TEX14: variants seen among roughly 807,000 people sequenced by gnomAD.
TEX14 encodes testis expressed 14, intercellular bridge forming factor.
TEX14 carries 168 observed loss-of-function variants against 178.6 expected under a neutral mutation model. That is an observed-to-expected ratio of 0.94 (90% confidence interval 0.83 to 1.07). The LOEUF (loss-of-function observed/expected upper bound fraction) is 1.07, where lower values mean the gene tolerates loss of function less well. Among genes scored for constraint, TEX14 ranks in the 50% least tolerant of loss-of-function variants. TEX14 has a pLI of 0.00. For synonymous variants in TEX14, 626 were observed against 634.1 expected, an observed-to-expected ratio of 0.99 and a Z score of 0.19; for missense variants, 1,730 against 1,753.6, an observed-to-expected ratio of 0.99 and a Z score of 0.24.
chr17:58,621,549 G>C lies in TEX14; in HGVS notation c.554+101C>G, dbSNP rs1567740549. ...CCCTTTGGATGGGCCAGATGCCAGA[G>C]GGCACTGATGTGGAGGAGCTGAGGC... On this transcript the variant is annotated intron_variant, in intron 5 of 31. Coordinates refer to ENST00000349033, the MANE Select transcript of TEX14 (RefSeq NM_031272.5). 3 of 1,236,638 alleles carry C rather than the reference G, an allele frequency of 2.4e-6. No homozygotes were observed. The South Asian group carries it at 4.6e-5, about 19-fold the overall frequency. 76.6% of individuals were successfully genotyped at this position (1,236,638 alleles called of 1,614,324 possible).
At chr17:58,586,130 A>C in intron 17 of TEX14, 48 bp from the exon 18 acceptor site, 3 of 1,546,324 alleles carry the variant, frequency 1.9e-6, no homozygotes, top group South Asian at 1.2e-5. Context: ...TAAACACTGG[A>C]AACACAGGCT....
rs372990969 is a variant in TEX14, at chr17:58,640,694, CATT to C, written c.137-10143_137-10141del. ...TAATGAGGCATGTAGAGAATTATAA[CATT>C]GTTGAAACAGAGAGACGTGGTGGCT... On this transcript the variant is annotated intron_variant, in intron 2 of 31. Coordinates refer to ENST00000349033, the MANE Select transcript of TEX14 (RefSeq NM_031272.5). 9.2e-4 allele frequency among the ~76,000 whole-genome samples: 138 copies of C among 150,654 alleles called. 1 individual carries two copies. The highest frequency in any genetic ancestry group is 3.3e-3 in the African/African-American group (137 of 41,010).
intron 14 of TEX14, among the ~76,000 whole-genome samples, chr17:58,595,988 G>T (rs1293785838): frequency 6.6e-6 from 1 of 152,126 alleles, no homozygotes; most frequent in Non-Finnish European, 1.5e-5. Context: ...TTTGAGACCA[G>T]CCTGGCCAAT....
At chr17:58,651,646 C>T (rs145541958) in intron 2 of TEX14, among the ~76,000 whole-genome samples, 3 of 152,166 alleles carry the variant, frequency 2.0e-5, no homozygotes, top group Admixed American at 6.6e-5. Flanking sequence ...CAGTTGGATG[C>T]GCTTGTGGTT....
rs368612584 is a variant in TEX14 at position 58,652,016 on chromosome 17, G to A, written c.-1-14C>T. ...GCCCGAGACATCCTGTTCCAAAAGA[G>A]AGCAATATGCTTATTTTAACTGAAC... On this transcript the variant is annotated splice_polypyrimidine_tract_variant and intron_variant, in intron 1 of 31. Coordinates refer to ENST00000349033, the MANE Select transcript of TEX14 (RefSeq NM_031272.5). 5.4e-5 allele frequency: 82 copies of A among 1,520,818 alleles called. No homozygotes were observed. The African/African-American group carries it at 9.7e-4, about 18-fold the overall frequency. 94.2% of individuals were successfully genotyped at this position (1,520,818 alleles called of 1,614,324 possible).
chr17:58,618,310 T>C (rs1409105971), intron 5 of TEX14, among the ~76,000 whole-genome samples: 1 of 152,244 alleles, frequency 6.6e-6, no homozygotes, highest in Non-Finnish European at 1.5e-5. Flanking sequence ...GTCCAGTTTT[T>C]TCATTATATA....
At chr17:58,616,703 C>T (rs924766815) in intron 6 of TEX14, among the ~76,000 whole-genome samples, 2 of 152,132 alleles carry the variant, frequency 1.3e-5, no homozygotes, top group East Asian at 1.9e-4. Context: ...AGATTATAGG[C>T]GTGAGCCACC....
intron 28 of TEX14, among the ~76,000 whole-genome samples, chr17:58,564,621 T>C (rs561107735): frequency 3.9e-5 from 6 of 152,318 alleles, no homozygotes; most frequent in Admixed American, 6.5e-5. Context: ...ATTAAGGTTA[T>C]TGGACTGTGC....
chr17:58,596,411 A>G (rs1228474053), intron 14 of TEX14, among the ~76,000 whole-genome samples: 1 of 152,036 alleles, frequency 6.6e-6, no homozygotes, highest in Non-Finnish European at 1.5e-5. Flanking sequence ...CCTCCCAAGT[A>G]GCTGGGACTA....
chr17:58,561,491 A>T (rs2044271389), intron 29 of TEX14, 29 bp downstream of exon 29: 2 of 1,493,804 alleles, frequency 1.3e-6, no homozygotes, highest in Non-Finnish European at 1.9e-6. Context: ...GAAAAAGAAG[A>T]AAAGGATTCC....
intron 2 of TEX14, among the ~76,000 whole-genome samples, chr17:58,636,350 A>G (rs2046433279): frequency 6.6e-6 from 1 of 152,206 alleles, no homozygotes; most frequent in Non-Finnish European, 1.5e-5. Flanking sequence ...ACCTGGATTC[A>G]AATGTTGACA....
chr17:58,610,246 T>A (rs574516864), intron 10 of TEX14, among the ~76,000 whole-genome samples: 168 of 152,336 alleles, frequency 1.1e-3, no homozygotes, highest in African/African-American at 3.9e-3. Flanking sequence ...CTGGCCCAGA[T>A]GTAGGAGGTG....
chr17:58,683,052 C>CAAAAAAAAA (rs1194798521), intron 1 of TEX14, among the ~76,000 whole-genome samples: 20 of 53,820 alleles, frequency 3.7e-4, no homozygotes, highest in Admixed American at 4.1e-4. Context: ...GAGTCTGTCT[C>CAAAAAAAAA]AAAAAAAAAA....
chr17:58,684,019 G>A (rs1398633169), intron 1 of TEX14, among the ~76,000 whole-genome samples: 1 of 150,250 alleles, frequency 6.7e-6, no homozygotes, highest in Non-Finnish European at 1.5e-5. Flanking sequence ...GAGCCGAGAT[G>A]GTGCCACTGC....
Position 58,585,861 on chromosome 17 carries a change from C to T in TEX14, c.3010G>A (p.Gly1004Ser), listed in dbSNP as rs1423800061. The T allele has an allele frequency of 6.2e-7, 1 of 1,614,016 alleles. No individual in the cohort carries two copies. The highest frequency in any genetic ancestry group is 1.1e-5 in the South Asian group (1 of 91,060). The change falls in exon 18 of 32, where the codon GGC becomes AGC. Residue 1004 changes from glycine (G) to serine (S), a missense_variant. Physicochemically the swap from Gly to Ser is moderately conservative, Grantham distance 56. Around this residue, in one of 2 missense-constraint regions of TEX14, gnomAD observed 941 missense variants for 1,072.4 expected, o/e 0.88. Coordinates refer to ENST00000349033, the MANE Select transcript of TEX14 (RefSeq NM_031272.5). The part of the protein sequence containing the change: ...PRGNGKFDKT[G>S]NNDCDSDQHG... ...TGGTCACTGTCACAGTCATTGTTGC[C>T]CGTCTTGTCAAACTTGCCATTTCCT...
chr17:58,673,484 A>AAAATAAATAAATAAATAAAT (rs76433652), intron 1 of TEX14, among the ~76,000 whole-genome samples: 2 of 143,422 alleles, frequency 1.4e-5, no homozygotes, highest in African/African-American at 2.6e-5. Flanking sequence ...CTCCATCTCA[A>AAAATAAATAAATAAATAAAT]AAATAAATAA....
intron 19 of TEX14, among the ~76,000 whole-genome samples, chr17:58,582,364 A>T (rs891899177): frequency 6.6e-6 from 1 of 152,012 alleles, no homozygotes; most frequent in Non-Finnish European, 1.5e-5. Context: ...GGTTCAAGTG[A>T]TTCTCCTGCC....
chr17:58,689,321 A>T (rs2047653290), intron 1 of TEX14, among the ~76,000 whole-genome samples: 1 of 151,074 alleles, frequency 6.6e-6, no homozygotes, highest in Non-Finnish European at 1.5e-5. Flanking sequence ...CCTGGGTTCA[A>T]GCTATTCTCC....
intron 10 of TEX14, among the ~76,000 whole-genome samples, chr17:58,607,012 CAAAA>C (rs35155837): frequency 3.2e-5 from 3 of 92,622 alleles, no homozygotes; most frequent in African/African-American, 4.6e-5. Context: ...GCTACTGTCT[CAAAA>C]AAAAAAAAAA....
Sources: gnomAD v4.1 joint callset for allele counts (sites outside exome capture counted in the v4.1 genomes callset) on GRCh38, gnomAD v4.1.1 for gene constraint, gnomAD v4.1.1 regional missense constraint, MANE v1.5 for transcripts, NCBI Gene and HGNC (gene_info 2026-07-23, HGNC 2026-07-21) for gene names.